AGBL1: variants seen among roughly 807,000 people sequenced by gnomAD.
AGBL1 encodes cytosolic carboxypeptidase 4.
In AGBL1, 130 loss-of-function variants were observed where a neutral mutation model predicts 118.9. The ratio of observed to expected loss-of-function variants is 1.09; its 90% CI spans 0.95 to 1.26. AGBL1 has a LOEUF of 1.26. Ranked by LOEUF, AGBL1 falls within the 50% of genes most tolerant of loss-of-function variation. AGBL1 has a pLI of 0.00. For synonymous variants in AGBL1, 555 were observed against 478.9 expected (o/e 1.16, Z -2.08); for missense variants, 1,584 against 1,298.1 (o/e 1.22, Z -3.38).
At chr15:86,659,912 A>G (rs2085513218) in intron 21 of AGBL1, among the ~76,000 whole-genome samples, 1 of 152,044 alleles carries the variant, frequency 6.6e-6, no homozygotes, top group Non-Finnish European at 1.5e-5. Context: ...TTACAGTCTG[A>G]CAGTGCTCAG....
intron 18 of AGBL1, among the ~76,000 whole-genome samples, chr15:86,468,541 G>A (rs1034548288): frequency 3.9e-5 from 6 of 152,112 alleles, no homozygotes; most frequent in Non-Finnish European, 7.4e-5. Context: ...AGACATTGCC[G>A]TTCCTCTTCT....
rs752931706 is a variant in AGBL1, at chr15:86,247,862, C to A, written c.718C>A (p.Leu240Ile). ...AFLAAQGMEI[L>I]FSTTQNCLDD... ...CCTGGCAGCACAGGGCATGGAGATC[C>A]TCTTCAGCACCACACAGGCAGGCAG... The change falls in exon 7 of 23, where the codon CTC becomes ATC. Residue 240 changes from leucine to isoleucine, a missense_variant. By Grantham distance (5) the Leu-to-Ile change is conservative. Coordinates refer to ENST00000614907, the MANE Select transcript of AGBL1 (RefSeq NM_001386094.1). 2.5e-6 allele frequency: 4 copies of A among 1,613,956 alleles called. No homozygotes were observed. In the South Asian group the frequency reaches 4.4e-5, roughly 18 times the overall value.
chr15:86,379,048 G>A (rs1469456532), intron 17 of AGBL1, among the ~76,000 whole-genome samples: 1 of 151,960 alleles, frequency 6.6e-6, no homozygotes, highest in Admixed American at 6.6e-5. Context: ...GAGTGGCTGG[G>A]ACTACAGGCA....
At chr15:86,835,555 G>A (rs2079159528) in intron 22 of AGBL1, among the ~76,000 whole-genome samples, 1 of 152,134 alleles carries the variant, frequency 6.6e-6, no homozygotes, top group Non-Finnish European at 1.5e-5. Context: ...TGTCTATGGT[G>A]TTTCTGGTAA....
chr15:86,268,537 A>C (rs1360473102), intron 13 of AGBL1, among the ~76,000 whole-genome samples: 1 of 152,284 alleles, frequency 6.6e-6, no homozygotes, highest in Non-Finnish European at 1.5e-5. Flanking sequence ...AGAGTCTAAA[A>C]TCCTAAATTC....
chr15:86,203,136 C>A lies in AGBL1; in HGVS notation c.489-21778C>A, dbSNP rs558122213. On this transcript the variant is annotated intron_variant, in intron 5 of 22. Coordinates refer to ENST00000614907, the MANE Select transcript of AGBL1 (RefSeq NM_001386094.1). ...AATGATGATGATGATGATGATGATGCTAATCACCATAAAAGTTACTGAGAT... is the reference window on the plus strand; with the variant it reads ...AATGATGATGATGATGATGATGATGATAATCACCATAAAAGTTACTGAGAT... 2.6e-5 allele frequency among the ~76,000 whole-genome samples: 4 copies of A among 152,026 alleles called. No individual in the cohort carries two copies. The South Asian group carries it at 8.3e-4, about 32-fold the overall frequency.
chr15:86,417,820 C>T (rs1288325247), intron 18 of AGBL1, among the ~76,000 whole-genome samples: 1 of 152,154 alleles, frequency 6.6e-6, no homozygotes, highest in African/African-American at 2.4e-5. Flanking sequence ...CCCGGATGAC[C>T]ACCATTATTA....
intron 17 of AGBL1, among the ~76,000 whole-genome samples, chr15:86,354,389 T>C (rs938441716): frequency 1.3e-5 from 2 of 152,220 alleles, no homozygotes; most frequent in Admixed American, 6.5e-5. Flanking sequence ...GACAGACCAA[T>C]TGGCATGGCC....
intron 22 of AGBL1, among the ~76,000 whole-genome samples, chr15:86,817,732 C>T (rs564907322): frequency 1.3e-5 from 2 of 151,800 alleles, no homozygotes; most frequent in African/African-American, 4.8e-5. Context: ...CCAAAAGATA[C>T]ATTGAAGCCC....
rs774773649 is a variant in AGBL1 at position 86,264,456 on chromosome 15, G to T, written c.1285G>T (p.Gly429Cys). ...VKTGRSTVHL[G>C]SKKNPGVNLY... ...GACGGGAAGGTCCACTGTGCATCTA[G>T]GCTCCAAAAAAAATCCTGGAGTGAA... Residue 429 changes from glycine (G) to cysteine (C), a missense_variant, in exon 11 of 23, where the codon GGC (glycine) becomes TGC (cysteine). Transcript: ENST00000614907. 9.9e-6 allele frequency: 16 copies of T among 1,613,804 alleles called. No homozygotes were observed. In the African/African-American group the frequency reaches 1.9e-4, roughly 19 times the overall value.
chr15:86,783,884 G>A (rs890486497), intron 22 of AGBL1, among the ~76,000 whole-genome samples: 7 of 152,144 alleles, frequency 4.6e-5, no homozygotes, highest in African/African-American at 1.4e-4. Flanking sequence ...GCCCACCTTG[G>A]CCTCCCAAAG....
intron 22 of AGBL1, among the ~76,000 whole-genome samples, chr15:86,708,189 C>G (rs541672148): frequency 6.6e-6 from 1 of 152,126 alleles, no homozygotes; most frequent in Admixed American, 6.5e-5. Flanking sequence ...AAAGTTGAAG[C>G]CAATATTTGG....
intron 19 of AGBL1, among the ~76,000 whole-genome samples, chr15:86,541,695 G>A (rs1489819085): frequency 5.3e-5 from 8 of 150,546 alleles, no homozygotes; most frequent in Non-Finnish European, 1.2e-4. Flanking sequence ...TCACGTATTA[G>A]TAGCAATAGT....
At chr15:86,481,703 G>T (rs1233656851) in intron 18 of AGBL1, among the ~76,000 whole-genome samples, 1 of 152,122 alleles carries the variant, frequency 6.6e-6, no homozygotes, top group East Asian at 1.9e-4. Context: ...TCCTATAATG[G>T]AATGGTAACT....
intron 22 of AGBL1, among the ~76,000 whole-genome samples, chr15:86,743,198 G>T (rs1183501809): frequency 6.6e-6 from 1 of 151,966 alleles, no homozygotes; most frequent in Non-Finnish European, 1.5e-5. Flanking sequence ...TTTTATTAAG[G>T]TGTAATTTAC....
intron 21 of AGBL1, among the ~76,000 whole-genome samples, chr15:86,634,455 G>A (rs1217952442): frequency 1.3e-5 from 2 of 152,164 alleles, no homozygotes; most frequent in African/African-American, 2.4e-5. Flanking sequence ...AGCCCATCAT[G>A]AAATACCACA....
chr15:86,731,883 T>C (rs891507172), intron 22 of AGBL1, among the ~76,000 whole-genome samples: 10 of 152,194 alleles, frequency 6.6e-5, no homozygotes, highest in African/African-American at 2.4e-4. Flanking sequence ...GGCTTGACCG[T>C]TGATTCTGAA....
chr15:86,514,695 T>G (rs1272437651), intron 18 of AGBL1, among the ~76,000 whole-genome samples: 1 of 152,042 alleles, frequency 6.6e-6, no homozygotes, highest in Non-Finnish European at 1.5e-5. Flanking sequence ...CTTACCCCAT[T>G]CCCAGTTACC....
At chr15:86,881,970 C>A (rs913424716) in intron 22 of AGBL1, among the ~76,000 whole-genome samples, 1 of 152,172 alleles carries the variant, frequency 6.6e-6, no homozygotes, top group Non-Finnish European at 1.5e-5. Context: ...CAGCGCCCAC[C>A]TCCAACACTG....
Sources: gnomAD v4.1 joint callset for allele counts (sites outside exome capture counted in the v4.1 genomes callset) on GRCh38, gnomAD v4.1.1 for gene constraint, MANE v1.5 for transcripts, NCBI Gene and HGNC (gene_info 2026-07-23, HGNC 2026-07-21) for gene names.